The following LIPA variants were observed in gnomAD, a reference collection of about 807,000 sequenced individuals.
LIPA encodes the protein lysosomal acid lipase/cholesteryl ester hydrolase.
Under a neutral mutation model 40.6 loss-of-function variants are expected in LIPA, and 26 were observed. That is an observed-to-expected ratio of 0.64 (90% confidence interval 0.47 to 0.89). The LOEUF is 0.89. Among genes scored for constraint, LIPA ranks in the 40% least tolerant of loss-of-function variants. The pLI is 0.00. For missense variants in LIPA, 455 were observed against 479.6 expected, an observed-to-expected ratio of 0.95 and a Z score of 0.48; for synonymous variants, 188 against 168.4, an observed-to-expected ratio of 1.12 and a Z score of -0.90.
chr10:89,353,008 A>T (rs972814860), intron 2 of LIPA, among the ~76,000 whole-genome samples: 2 of 152,184 alleles, frequency 1.3e-5, no homozygotes, highest in African/African-American at 4.8e-5. Flanking sequence ...CCTATCGTTC[A>T]TGTAAAACTG....
At chr10:89,341,273 G>A (rs1284340988) in intron 1 of LIPA, among the ~76,000 whole-genome samples, 3 of 152,224 alleles carry the variant, frequency 2.0e-5, no homozygotes, top group African/African-American at 7.2e-5. Context: ...CTCCCTGACA[G>A]AGTGTGAGGG....
intron 2 of LIPA, chr10:89,383,745 G>C: frequency 6.2e-7 from 1 of 1,614,208 alleles, no homozygotes; most frequent in Non-Finnish European, 8.5e-7. Flanking sequence ...TGGACTGTGA[G>C]GAAGGATGGG....
At chr10:89,339,507 C>T in intron 1 of LIPA, 1 of 1,614,052 alleles carries the variant, frequency 6.2e-7, no homozygotes, top group South Asian at 1.1e-5. Flanking sequence ...TTGGGTGCTG[C>T]TACAAGGCAA....
chr10:89,350,867 A>G (rs1259783630), intron 2 of LIPA, among the ~76,000 whole-genome samples: 1 of 152,208 alleles, frequency 6.6e-6, no homozygotes, highest in South Asian at 2.1e-4. Context: ...AAAAACAGGC[A>G]GTTAATTTTT....
chr10:89,295,682 T>C (rs1843409210), intron 1 of LIPA, among the ~76,000 whole-genome samples: 1 of 152,252 alleles, frequency 6.6e-6, no homozygotes, highest in Non-Finnish European at 1.5e-5. Context: ...ATCTATATTC[T>C]ATATAAATGA....
intron 4 of LIPA, 76 bp downstream of exon 4, chr10:89,228,124 T>A: frequency 8.0e-7 from 1 of 1,256,502 alleles, no homozygotes; most frequent in Non-Finnish European, 1.2e-6. Context: ...CCTATCTACC[T>A]CTTCTGCTGG....
intron 1 of LIPA, among the ~76,000 whole-genome samples, chr10:89,289,634 G>A (rs1430254367): frequency 7.2e-5 from 11 of 151,964 alleles, no homozygotes; most frequent in Admixed American, 3.3e-4. Context: ...ATAACGAACC[G>A]GCCTTTATTA....
chr10:89,403,874 G>A, intron 2 of LIPA: 2 of 566,336 alleles, frequency 3.5e-6, no homozygotes, highest in Non-Finnish European at 6.1e-6. Context: ...AACAATTAGT[G>A]AAACAGAATG....
intron 1 of LIPA, among the ~76,000 whole-genome samples, chr10:89,264,643 A>T (rs1340397701): frequency 1.3e-5 from 2 of 152,238 alleles, no homozygotes; most frequent in African/African-American, 4.8e-5. Flanking sequence ...TAGGCAGGTC[A>T]TCCTGACATC....
intron 2 of LIPA, among the ~76,000 whole-genome samples, chr10:89,363,966 C>T (rs1004095599): frequency 6.6e-6 from 1 of 152,126 alleles, no homozygotes; most frequent in African/African-American, 2.4e-5. Context: ...GAAAGTGAAG[C>T]TGTGCTGTCC....
chr10:89,293,199 C>T (rs1362773070), intron 1 of LIPA, among the ~76,000 whole-genome samples: 2 of 152,164 alleles, frequency 1.3e-5, no homozygotes, highest in East Asian at 3.9e-4. Context: ...TACATTCACT[C>T]CCTCCTGCTG....
chr10:89,249,495 G>GA (rs938372648), intron 1 of LIPA, among the ~76,000 whole-genome samples: 16 of 152,216 alleles, frequency 1.1e-4, no homozygotes, highest in African/African-American at 3.9e-4. Flanking sequence ...ACAAAAACTG[G>GA]AAAAACCCAA....
chr10:89,286,123 G>A (rs979349746), intron 1 of LIPA, among the ~76,000 whole-genome samples: 3 of 151,934 alleles, frequency 2.0e-5, no homozygotes, highest in Non-Finnish European at 2.9e-5. Context: ...AATTTTTGTC[G>A]AAAAATGGGC....
intron 2 of LIPA, among the ~76,000 whole-genome samples, chr10:89,361,974 C>A (rs1327958332): frequency 7.0e-6 from 1 of 142,650 alleles, no homozygotes; most frequent in Non-Finnish European, 1.5e-5. Context: ...TCACAGCTCA[C>A]TGCAGCCTCA....
chr10:89,216,573 T>G (rs1274755868), intron 8 of LIPA, among the ~76,000 whole-genome samples: 1 of 151,836 alleles, frequency 6.6e-6, no homozygotes, highest in Non-Finnish European at 1.5e-5. Context: ...TAAAAGATAA[T>G]AAAACAATAA....
chr10:89,390,421 C>T (rs1239645200), intron 2 of LIPA, among the ~76,000 whole-genome samples: 1 of 152,148 alleles, frequency 6.6e-6, no homozygotes, highest in African/African-American at 2.4e-5. Flanking sequence ...TGAGATCTGC[C>T]AACCTATTCC....
At position 89,403,372 on chromosome 10, in the gene LIPA, T is replaced by G. The variant is rs141445961; in HGVS notation, c.61+9419A>C. The G allele has an allele frequency of 1.5e-5, 24 of 1,613,338 alleles. No individual in the cohort carries two copies. In the East Asian group the frequency reaches 5.3e-4, roughly 36 times the overall value. ...AAAGCTGAAGAGAATTTTCAAAAATTGTTATGCATGAAACCAGTGGTAGAA... is the reference window on the plus strand; with the variant it reads ...AAAGCTGAAGAGAATTTTCAAAAATGGTTATGCATGAAACCAGTGGTAGAA... On this transcript the variant is annotated intron_variant, in intron 2 of 8. Transcript: ENST00000371837.
At chr10:89,396,295 C>T (rs1197623849) in intron 2 of LIPA, among the ~76,000 whole-genome samples, 3 of 152,138 alleles carry the variant, frequency 2.0e-5, no homozygotes, top group African/African-American at 7.2e-5. Flanking sequence ...GAATAAGCAA[C>T]AATTTCTAAG....
At chr10:89,229,452 C>A (rs1419531087) in intron 3 of LIPA, among the ~76,000 whole-genome samples, 2 of 152,116 alleles carry the variant, frequency 1.3e-5, no homozygotes, top group East Asian at 3.8e-4. Context: ...TATACAACAT[C>A]AAGAGTGAAC....
Sources: gnomAD v4.1 joint callset for allele counts (sites outside exome capture counted in the v4.1 genomes callset) on GRCh38, gnomAD v4.1.1 for gene constraint, MANE v1.5 for transcripts, NCBI Gene and HGNC (gene_info 2026-07-23, HGNC 2026-07-21) for gene names.